Variants in ANK1 observed in about 807,000 individuals in gnomAD.
ANK1 encodes ankyrin-1.
A neutral mutation model predicts 210.4 loss-of-function variants in ANK1; 51 were observed. The ratio of observed to expected loss-of-function variants is 0.24; its 90% CI spans 0.19 to 0.31. The LOEUF (loss-of-function observed/expected upper bound fraction) is 0.31, where lower values mean the gene tolerates loss of function less well. Among genes scored for constraint, ANK1 ranks in the 10% least tolerant of loss-of-function variants. The pLI is 1.00. For missense variants in ANK1, 2,051 were observed against 2,504.4 expected, an observed-to-expected ratio of 0.82 and a Z score of 3.86; for synonymous variants, 967 against 1,025.9, an observed-to-expected ratio of 0.94 and a Z score of 1.10.
chr8:41,748,976 A>G lies in ANK1; in HGVS notation c.129+9060T>C, dbSNP rs192900106. On this transcript the variant is annotated intron_variant, in intron 2 of 42. Coordinates refer to ENST00000289734, the MANE Select transcript of ANK1 (RefSeq NM_000037.4). ...CATGAACCTGGGAGGCGGAGCTTGC[A>G]GTGAACAGAGATCCTGCCACTGCCC... Among the ~76,000 whole-genome samples, 397 of 152,064 alleles carry G rather than the reference A, an allele frequency of 2.6e-3. 3 individuals carry two copies. The highest frequency in any genetic ancestry group is 5.0e-3 in the Non-Finnish European group (337 of 67,982).
intron 1 of ANK1, among the ~76,000 whole-genome samples, chr8:41,871,775 G>A (rs974751056): frequency 2.0e-5 from 3 of 152,304 alleles, no homozygotes; most frequent in Non-Finnish European, 2.9e-5. Context: ...AAGCTAAGAC[G>A]CCATGCATCT....
intron 16 of ANK1, among the ~76,000 whole-genome samples, chr8:41,713,250 C>A (rs1826669397): frequency 2.0e-5 from 3 of 152,222 alleles, no homozygotes; most frequent in South Asian, 2.1e-4. Context: ...CCATAGAGTG[C>A]GGGTACTGCG....
At chr8:41,797,658 G>A (rs1849034309), upstream of ANK1, 15 of 1,467,936 alleles carry the variant, frequency 1.0e-5, no homozygotes, top group South Asian at 1.5e-4. This position sits in a 1 kb window ranked among gnomAD's most constrained non-coding sequence, Gnocchi z 4.0. Context: ...GCCCCCGAGG[G>A]CCTTATCGGC....
At chr8:41,857,988 G>T (rs1002564262) in intron 1 of ANK1, among the ~76,000 whole-genome samples, 8 of 152,174 alleles carry the variant, frequency 5.3e-5, no homozygotes, top group Admixed American at 2.0e-4. Context: ...AGCACTTTGG[G>T]AGGCCATAGC....
At chr8:41,858,303 G>GC (rs1331214487) in intron 1 of ANK1, among the ~76,000 whole-genome samples, 2 of 148,056 alleles carry the variant, frequency 1.4e-5, no homozygotes, top group Non-Finnish European at 3.0e-5. Flanking sequence ...AGCCAAGATT[G>GC]CATCACCGCA....
chr8:41,745,140 G>A (rs1835794803), intron 2 of ANK1, among the ~76,000 whole-genome samples: 1 of 152,264 alleles, frequency 6.6e-6, no homozygotes, highest in African/African-American at 2.4e-5. Flanking sequence ...AGGGGAGCAG[G>A]AAAGGGAGCG....
Position 41,696,463 on chromosome 8 carries a change from C to A in ANK1, c.2860G>T (p.Val954Phe). ...GGCGTGCTGAGCTTCTGGGGCTTGA[C>A]CAGGCGGCAGGTGATGCGGGTGGGC... is the stretch of plus-strand genomic sequence containing the variant. Reference protein sequence around the residue: ...AAPTRITCRLVKPQKLSTPPP... With the variant: ...AAPTRITCRLFKPQKLSTPPP... Residue 954 changes from valine (V) to phenylalanine (F), a missense_variant, in exon 26 of 43, where the codon GTC becomes TTC. Physicochemically the swap from Val to Phe is conservative, Grantham distance 50. Transcript: ENST00000289734. 6.2e-7 allele frequency: 1 copy of A among 1,613,408 alleles called. No individual in the cohort carries two copies. Among genetic ancestry groups the A allele is most frequent in the Non-Finnish European group, 8.5e-7 (1 of 1,179,938 alleles).
chr8:41,827,638 A>C (rs1805617770), intron 1 of ANK1, among the ~76,000 whole-genome samples: 1 of 152,056 alleles, frequency 6.6e-6, no homozygotes, highest in Non-Finnish European at 1.5e-5. Context: ...ACACATACAC[A>C]CACACACTCG....
intron 1 of ANK1, among the ~76,000 whole-genome samples, chr8:41,781,166 A>G (rs1845238287): frequency 6.6e-6 from 1 of 152,136 alleles, no homozygotes; most frequent in Non-Finnish European, 1.5e-5. Flanking sequence ...GGCTGGAGAG[A>G]AGAGCTGAAA....
chr8:41,661,088 C>G (rs149613355), intron 42 of ANK1: 64 of 350,562 alleles, frequency 1.8e-4, no homozygotes, highest in African/African-American at 1.3e-3. Context: ...GTTGCCCAGG[C>G]TGGTCTTGAA....
At chr8:41,667,704 TTC>T (rs961691822) in intron 39 of ANK1, among the ~76,000 whole-genome samples, 4 of 152,114 alleles carry the variant, frequency 2.6e-5, no homozygotes, top group African/African-American at 9.7e-5. Flanking sequence ...GAGAGGAGAC[TTC>T]TCTCTATCCC....
chr8:41,866,724 T>A (rs750349341), intron 1 of ANK1, among the ~76,000 whole-genome samples: 1 of 152,244 alleles, frequency 6.6e-6, no homozygotes, highest in African/African-American at 2.4e-5. Flanking sequence ...CTTTTGTGAC[T>A]GGCTTATTTC....
rs552620620 is a variant in ANK1 at position 41,692,967 on chromosome 8, G to A, written c.3630-91C>T. ...GGAGCAGCCCGTGAGCCATACCATG[G>A]CTACTATTGCCACACCTGTGGTCAC... On this transcript the variant is annotated intron_variant, in intron 30 of 42. Coordinates refer to ENST00000289734, the MANE Select transcript of ANK1 (RefSeq NM_000037.4). 4 of 1,529,198 alleles carry A rather than the reference G, an allele frequency of 2.6e-6. No homozygotes were observed. The African/African-American group carries it at 4.1e-5, about 16-fold the overall frequency. 94.7% of individuals were successfully genotyped at this position (1,529,198 alleles called of 1,614,324 possible). A position where few individuals can be genotyped will look rare whatever the true frequency, so the allele number is the denominator to read the frequency against.
intron 5 of ANK1, 94 bp from the exon 6 acceptor site, chr8:41,726,040 A>G: frequency 7.0e-7 from 1 of 1,423,910 alleles, no homozygotes; most frequent in South Asian, 1.2e-5. Flanking sequence ...TTATGCTCCC[A>G]GCAGCCCCAG....
intron 14 of ANK1, 59 bp from the exon 15 acceptor site, chr8:41,715,133 G>A: frequency 6.7e-7 from 1 of 1,484,834 alleles, no homozygotes; most frequent in African/African-American, 1.4e-5. Flanking sequence ...CCTGGAGAAA[G>A]GGCCCACAGC....
intron 1 of ANK1, among the ~76,000 whole-genome samples, chr8:41,834,081 G>A (rs186033908): frequency 6.6e-6 from 1 of 152,308 alleles, no homozygotes; most frequent in African/African-American, 2.4e-5. Context: ...GGCCTAGCAT[G>A]ATCAGCAGGG....
chr8:41,702,030 T>G (rs942124602), intron 21 of ANK1, 22 bp downstream of exon 21: 2 of 1,604,464 alleles, frequency 1.2e-6, no homozygotes, highest in Non-Finnish European at 8.5e-7. Flanking sequence ...CTGGGGTGGG[T>G]GCGGGGGAGA....
chr8:41,759,707 G>A (rs1839989470), intron 1 of ANK1, among the ~76,000 whole-genome samples: 1 of 152,140 alleles, frequency 6.6e-6, no homozygotes, highest in South Asian at 2.1e-4. Context: ...GTATCTACAG[G>A]GGGTTCTGGA....
intron 1 of ANK1, among the ~76,000 whole-genome samples, chr8:41,786,353 C>G (rs935568747): frequency 1.3e-5 from 2 of 152,228 alleles, no homozygotes; most frequent in Non-Finnish European, 2.9e-5. Flanking sequence ...ACAGGCTCCA[C>G]CCAGGTCACA....
Sources: gnomAD v4.1 joint callset for allele counts (sites outside exome capture counted in the v4.1 genomes callset) on GRCh38, gnomAD v4.1.1 for gene constraint, Gnocchi (gnomAD v3.1) non-coding constraint, MANE v1.5 for transcripts, NCBI Gene and HGNC (gene_info 2026-07-23, HGNC 2026-07-21) for gene names.